ACSS3: variants seen among roughly 807,000 people sequenced by gnomAD.
ACSS3 encodes acyl-CoA synthetase short-chain family member 3, mitochondrial.
In ACSS3, 64 loss-of-function variants were observed where a neutral mutation model predicts 84.2. The observed-to-expected ratio is 0.76, with a 90% confidence interval of 0.62 to 0.94. The LOEUF is 0.94. ACSS3 is among the 40% of genes least tolerant of loss of function. ACSS3 has a pLI of 0.00. For missense variants in ACSS3, 815 were observed against 867.6 expected (o/e 0.94, Z 0.76); for synonymous variants, 317 against 310.1 (o/e 1.02, Z -0.23).
chr12:81,164,854 C>A (rs1454626285), intron 7 of ACSS3, among the ~76,000 whole-genome samples: 1 of 152,094 alleles, frequency 6.6e-6, no homozygotes, highest in East Asian at 1.9e-4. Context: ...CTTTTAAAGA[C>A]AGAAATATGC....
At chr12:81,169,946 A>G (rs2029900656) in intron 7 of ACSS3, among the ~76,000 whole-genome samples, 1 of 152,128 alleles carries the variant, frequency 6.6e-6, no homozygotes, top group African/African-American at 2.4e-5. Context: ...TCCTTGGGTG[A>G]CATTTCTCAA....
At chr12:81,106,241 A>G (rs111261933) in intron 1 of ACSS3, among the ~76,000 whole-genome samples, 2,127 of 152,224 alleles carry the variant, frequency 0.014, 29 homozygotes, top group Middle Eastern at 0.027. Context: ...CTGTCAGATC[A>G]GGGGTGGCAT....
At chr12:81,099,103 T>A (rs1317301784) in intron 1 of ACSS3, among the ~76,000 whole-genome samples, 1 of 152,184 alleles carries the variant, frequency 6.6e-6, no homozygotes, top group East Asian at 1.9e-4. Context: ...AGTCTTCTTA[T>A]GAGTTAATGA....
In ACSS3 at chr12:81,255,903, C is replaced by G. The variant is rs1334285159; in HGVS notation, c.*981C>G. 1 of 152,172 alleles carries G rather than the reference C, an allele frequency of 6.6e-6. No individual in the cohort carries two copies. Among genetic ancestry groups the G allele is most frequent in the Non-Finnish European group, 1.5e-5 (1 of 68,036 alleles). 9.4% of individuals were successfully genotyped at this position (152,172 alleles called of 1,614,324 possible). ...GGCTCCTGGGAGCCCCTCTTCATGT[C>G]TCAGGTTCTTAGTTGACTATGTTTA... is the stretch of plus-strand genomic sequence containing the variant. On this transcript the variant is annotated 3_prime_UTR_variant, in exon 16 of 16. Transcript: ENST00000548058.
intron 2 of ACSS3, among the ~76,000 whole-genome samples, chr12:81,122,972 C>G (rs1044301444): frequency 6.6e-6 from 1 of 152,030 alleles, no homozygotes; most frequent in Non-Finnish European, 1.5e-5. Flanking sequence ...ATATATCTAT[C>G]AATGGTACTT....
intron 1 of ACSS3, among the ~76,000 whole-genome samples, chr12:81,102,786 G>A (rs934578793): frequency 2.6e-5 from 4 of 151,138 alleles, no homozygotes; most frequent in Non-Finnish European, 5.9e-5. Flanking sequence ...CCGAGATCAC[G>A]CCACTGCACT....
intron 7 of ACSS3, among the ~76,000 whole-genome samples, chr12:81,173,832 T>C (rs2030263444): frequency 6.6e-6 from 1 of 152,178 alleles, no homozygotes; most frequent in Non-Finnish European, 1.5e-5. Context: ...GTTACCCTTC[T>C]CGTAGAAATT....
intron 13 of ACSS3, among the ~76,000 whole-genome samples, chr12:81,241,200 A>G (rs1046863219): frequency 3.3e-5 from 5 of 151,900 alleles, no homozygotes; most frequent in Non-Finnish European, 7.4e-5. Context: ...ATTCCATGGT[A>G]TATGTGTGCC....
At chr12:81,176,568 A>C (rs2030493852) in intron 8 of ACSS3, among the ~76,000 whole-genome samples, 1 of 152,002 alleles carries the variant, frequency 6.6e-6, no homozygotes, top group Admixed American at 6.6e-5. Flanking sequence ...ATGAGACTCC[A>C]TTACAAAAAA....
chr12:81,109,834 C>T, intron 2 of ACSS3, 130 bp downstream of exon 2: 2 of 786,088 alleles, frequency 2.5e-6, no homozygotes, highest in East Asian at 3.0e-5. Context: ...TCTTTTGATA[C>T]ACATTGGAAA....
At chr12:81,206,655 T>C (rs2032364143) in intron 9 of ACSS3, among the ~76,000 whole-genome samples, 1 of 152,120 alleles carries the variant, frequency 6.6e-6, no homozygotes, top group African/African-American at 2.4e-5. Context: ...TCATTATTGT[T>C]GCCTGGCAAC....
intron 9 of ACSS3, among the ~76,000 whole-genome samples, chr12:81,205,745 C>T (rs2032317919): frequency 6.6e-6 from 1 of 152,060 alleles, no homozygotes; most frequent in Non-Finnish European, 1.5e-5. Flanking sequence ...TGGATTTAAT[C>T]TGTCAGCCTG....
chr12:81,127,672 T>C (rs1279361081), intron 2 of ACSS3, among the ~76,000 whole-genome samples: 2 of 152,198 alleles, frequency 1.3e-5, no homozygotes, highest in African/African-American at 4.8e-5. Flanking sequence ...TGTAACATTG[T>C]GGCATTTTGA....
intron 8 of ACSS3, among the ~76,000 whole-genome samples, chr12:81,175,146 A>G (rs1011797843): frequency 6.6e-6 from 1 of 152,190 alleles, no homozygotes; most frequent in African/African-American, 2.4e-5. Flanking sequence ...ATATCATGTT[A>G]ATTTCAGTTC....
At chr12:81,129,667 G>T (rs184248124) in intron 2 of ACSS3, among the ~76,000 whole-genome samples, 5 of 152,230 alleles carry the variant, frequency 3.3e-5, no homozygotes, top group African/African-American at 1.2e-4. Flanking sequence ...GGGTACATGT[G>T]CACAACGTGC....
At chr12:81,116,020 C>A (rs1884012909) in intron 2 of ACSS3, among the ~76,000 whole-genome samples, 1 of 152,026 alleles carries the variant, frequency 6.6e-6, no homozygotes, top group Admixed American at 6.6e-5. Flanking sequence ...GTTCTAGTCA[C>A]ATTTAAGTGG....
At chr12:81,159,277 C>T (rs1887032095) in intron 7 of ACSS3, among the ~76,000 whole-genome samples, 1 of 151,734 alleles carries the variant, frequency 6.6e-6, no homozygotes, top group Non-Finnish European at 1.5e-5. Context: ...AAGAGGAAAA[C>T]ACTCAAATCA....
At chr12:81,109,775 T>C (rs1883417325) in intron 2 of ACSS3, 71 bp downstream of exon 2, 3 of 1,248,580 alleles carry the variant, frequency 2.4e-6, no homozygotes, top group African/African-American at 1.5e-5. Flanking sequence ...TACATTCTCA[T>C]TGTAGAGCCT....
chr12:81,152,406 A>G (rs1886656167), intron 7 of ACSS3, among the ~76,000 whole-genome samples: 1 of 152,220 alleles, frequency 6.6e-6, no homozygotes, highest in Non-Finnish European at 1.5e-5. Flanking sequence ...GAAAATAGTT[A>G]TCATAAAACA....
Sources: allele counts gnomAD v4.1 joint callset (sites outside exome capture counted in the v4.1 genomes callset), GRCh38; gene constraint gnomAD v4.1.1; transcripts MANE v1.5; gene names NCBI Gene and HGNC (gene_info 2026-07-23, HGNC 2026-07-21).